GRK7: variants seen among roughly 807,000 people sequenced by gnomAD.
The protein encoded by GRK7 is rhodopsin kinase GRK7.
A neutral mutation model predicts 34.1 loss-of-function variants in GRK7; 24 were observed. The observed-to-expected ratio is 0.70, with a 90% CI of 0.51 to 0.99. The LOEUF (loss-of-function observed/expected upper bound fraction) is 0.99. GRK7 is among the 50% of genes least tolerant of loss of function. The probability of loss-of-function intolerance (pLI) is 0.00; values close to 1 mark genes in which losing one functional copy is unlikely to be tolerated. For missense variants in GRK7, 644 were observed against 707.3 expected, an observed-to-expected ratio of 0.91 and a Z score of 1.02; for synonymous variants, 256 against 279.4, an observed-to-expected ratio of 0.92 and a Z score of 0.84.
Position 141,773,099 on chromosome 3 carries a change from G to A in GRK7, c.-214-1481G>A, listed in dbSNP as rs531690274. 8.2e-5 allele frequency among the ~76,000 whole-genome samples: 12 copies of A among 146,366 alleles called. No individual in the cohort carries two copies. The South Asian group carries it at 2.6e-3, about 31-fold the overall frequency. On this transcript the variant is annotated intron_variant, in intron 1 of 5. Coordinates refer to ENST00000682958, the MANE Select transcript of GRK7 (RefSeq NM_139209.3). ...TGCAGTGAACTGAGATCATGCCACT[G>A]CACTCCAGCCTGGCCAACAGAGCGA...
At chr3:141,802,212 G>C (rs1340379286) in intron 4 of GRK7, among the ~76,000 whole-genome samples, 1 of 152,106 alleles carries the variant, frequency 6.6e-6, no homozygotes, top group Non-Finnish European at 1.5e-5. Flanking sequence ...AATTAACCAG[G>C]CATGGTGGCA....
At position 141,764,402 on chromosome 3, in the gene GRK7, C is replaced by T. The variant is rs1440917903; in HGVS notation, c.-1551C>T. Among the ~76,000 whole-genome samples the T allele has an allele frequency of 4.6e-5, 7 of 152,286 alleles. No individual in the cohort carries two copies. In the Middle Eastern group the frequency reaches 0.014, roughly 296 times the overall value. On this transcript the variant is annotated 5_prime_UTR_variant, in exon 1 of 6. Coordinates refer to ENST00000682958, the MANE Select transcript of GRK7 (RefSeq NM_139209.3). The stretch of plus-strand genomic sequence containing the variant: ...AGAAACTGCTCTTGTCAAGCATCTG[C>T]GTGACCTCCAAGTTGTTAAATTCAC...
At position 141,764,684 on chromosome 3, in the gene GRK7, C is replaced by T. The variant is rs1400899202; in HGVS notation, c.-1269C>T. Among the ~76,000 whole-genome samples the T allele has an allele frequency of 6.6e-6, 1 of 152,166 alleles. No individual in the cohort carries two copies. The highest frequency in any genetic ancestry group is 2.4e-5 in the African/African-American group (1 of 41,426). ...TGGGGTGACTCCCAGTGAGTATCTC[C>T]AGCCCAGCCCTCTCCTGTGGGTTCC... On this transcript the variant is annotated 5_prime_UTR_variant, in exon 1 of 6. Coordinates refer to ENST00000682958, the MANE Select transcript of GRK7 (RefSeq NM_139209.3).
chr3:141,815,115 G>A (rs1227118870), intron 5 of GRK7, among the ~76,000 whole-genome samples: 2 of 151,844 alleles, frequency 1.3e-5, no homozygotes, highest in African/African-American at 2.4e-5. Context: ...AGTAGAGATG[G>A]GGTTTCACCA....
chr3:141,789,339 C>T (rs1266326598), intron 4 of GRK7, among the ~76,000 whole-genome samples: 3 of 152,154 alleles, frequency 2.0e-5, no homozygotes, highest in Non-Finnish European at 4.4e-5. Flanking sequence ...CTGTGTTGCC[C>T]TCACTCTCAG....
At chr3:141,775,394 T>C (rs1357142975) in intron 2 of GRK7, among the ~76,000 whole-genome samples, 1 of 151,750 alleles carries the variant, frequency 6.6e-6, no homozygotes, top group African/African-American at 2.4e-5. Flanking sequence ...TGAGACCCTG[T>C]CTAAAAAAAA....
chr3:141,762,173 T>C (rs1176638051), upstream of GRK7, among the ~76,000 whole-genome samples: 1 of 150,298 alleles, frequency 6.7e-6, no homozygotes, highest in East Asian at 1.9e-4. Flanking sequence ...CTGCGTTCCT[T>C]TGGAGGAGGA....
intron 4 of GRK7, among the ~76,000 whole-genome samples, chr3:141,783,490 A>G (rs960726179): frequency 3.5e-4 from 53 of 152,318 alleles, no homozygotes; most frequent in Middle Eastern, 6.8e-3. Flanking sequence ...CACAGGAGCC[A>G]AAGAAGAGGA....
rs577270355 is a variant in GRK7 at position 141,763,646 on chromosome 3, C to T, written c.-2307C>T. Among the ~76,000 whole-genome samples, 8 of 152,330 alleles carry T rather than the reference C, an allele frequency of 5.3e-5. No individual in the cohort carries two copies. Among genetic ancestry groups the T allele is most frequent in the African/African-American group, 1.4e-4 (6 of 41,576 alleles). On this transcript the variant is annotated 5_prime_UTR_variant, in exon 1 of 6. Coordinates refer to ENST00000682958, the MANE Select transcript of GRK7 (RefSeq NM_139209.3). ...TGCCCCCAACACTGTCCACCACCATCTGCTTTGAGTCCAGCAATCTCATCC... is the reference window on the plus strand; with the variant it reads ...TGCCCCCAACACTGTCCACCACCATTTGCTTTGAGTCCAGCAATCTCATCC...
rs1404157544 is a variant in GRK7 at position 141,816,745 on chromosome 3, T to G, written c.1357T>G (p.Phe453Val). Residue 453 changes from phenylalanine to valine, a missense_variant, in exon 6 of 6, where the codon TTC becomes GTC. Physicochemically the swap from Phe to Val is conservative, Grantham distance 50. Transcript: ENST00000682958. ...EKSDDPRKHH[F>V]FKTINFPRLE... ...GTCTGATGATCCCAGGAAACATCAT[T>G]TCTTTAAAACGATCAACTTTCCTCG... The G allele has an allele frequency of 1.3e-6, 2 of 1,543,352 alleles. No homozygotes were observed. The highest frequency in any genetic ancestry group is 1.7e-6 in the Non-Finnish European group (2 of 1,145,942).
At chr3:141,774,779 GATTATTATTATTATTATTATT>G (rs72103272) in intron 2 of GRK7, among the ~76,000 whole-genome samples, 99 bp downstream of exon 2, 1 of 147,820 alleles carries the variant, frequency 6.8e-6, no homozygotes, top group Non-Finnish European at 1.5e-5. Context: ...TCACCAGTCA[GATTATTATTATTATTATTATT>G]ATTATTATTA....
chr3:141,766,046 T>A (rs1425787476), intron 1 of GRK7, among the ~76,000 whole-genome samples: 1 of 152,208 alleles, frequency 6.6e-6, no homozygotes, highest in African/African-American at 2.4e-5. Context: ...CAGTTGCAAA[T>A]GACTCTAATG....
At position 141,818,133 on chromosome 3, in the gene GRK7, G is replaced by A. The variant is rs1043069155; in HGVS notation, c.*1083G>A. The A allele has an allele frequency of 6.6e-6, 1 of 152,090 alleles. No individual in the cohort carries two copies. Among genetic ancestry groups the A allele is most frequent in the Non-Finnish European group, 1.5e-5 (1 of 68,034 alleles). 9.4% of individuals were successfully genotyped at this position (152,090 alleles called of 1,614,324 possible). ...ACTTTAGTTTCTCACACGTATCTTGGGAGCTCGGTCTCTTGGCTATTTCAA... is the reference window on the plus strand; with the variant it reads ...ACTTTAGTTTCTCACACGTATCTTGAGAGCTCGGTCTCTTGGCTATTTCAA... On this transcript the variant is annotated 3_prime_UTR_variant, in exon 6 of 6. Transcript: ENST00000682958.
chr3:141,783,877 G>C (rs372853586), intron 4 of GRK7, among the ~76,000 whole-genome samples: 20 of 152,294 alleles, frequency 1.3e-4, no homozygotes, highest in African/African-American at 4.8e-4. Context: ...GGAGGTGACA[G>C]AGTGTTTGCC....
intron 1 of GRK7, among the ~76,000 whole-genome samples, chr3:141,770,818 A>G (rs2084613580): frequency 6.6e-6 from 1 of 152,066 alleles, no homozygotes; most frequent in Non-Finnish European, 1.5e-5. Context: ...GTAAATTAGT[A>G]CAAACTATAT....
intron 4 of GRK7, among the ~76,000 whole-genome samples, chr3:141,795,795 C>T (rs2084746272): frequency 6.6e-6 from 1 of 151,884 alleles, no homozygotes; most frequent in Admixed American, 6.6e-5. Flanking sequence ...AAAAAATAGC[C>T]TTGGAATTAC....
chr3:141,783,831 C>T (rs538556421), intron 4 of GRK7, among the ~76,000 whole-genome samples: 1 of 152,206 alleles, frequency 6.6e-6, no homozygotes, highest in South Asian at 2.1e-4. Flanking sequence ...GAAGTAACAC[C>T]GTCTCCTCTG....
chr3:141,785,285 T>G (rs1024890596), intron 4 of GRK7, among the ~76,000 whole-genome samples: 1 of 152,216 alleles, frequency 6.6e-6, no homozygotes, highest in Non-Finnish European at 1.5e-5. Flanking sequence ...TTCTTTCTAC[T>G]AAATATAACA....
chr3:141,779,409 C>CAAAAAAAA (rs10626329), intron 3 of GRK7, among the ~76,000 whole-genome samples: 234 of 94,950 alleles, frequency 2.5e-3, no homozygotes, highest in Non-Finnish European at 3.0e-3. Flanking sequence ...GAGCAAGACT[C>CAAAAAAAA]AAAAAAAAAA....
Sources: allele counts gnomAD v4.1 joint callset (sites outside exome capture counted in the v4.1 genomes callset), GRCh38; gene constraint gnomAD v4.1.1; transcripts MANE v1.5; gene names NCBI Gene and HGNC (gene_info 2026-07-23, HGNC 2026-07-21).